Variants in LRRC23 observed in about 807,000 individuals in gnomAD.
LRRC23 encodes the protein leucine-rich repeat-containing protein 23.
In LRRC23, 28 loss-of-function variants were observed where a neutral mutation model predicts 37.7. That is an observed-to-expected ratio of 0.74 (90% CI 0.55 to 1.02). The LOEUF (loss-of-function observed/expected upper bound fraction) is 1.02. Among genes scored for constraint, LRRC23 ranks in the 50% least tolerant of loss-of-function variants. The pLI, the probability that LRRC23 is intolerant of heterozygous loss-of-function variation, is 0.00. For missense variants in LRRC23, 377 were observed against 413.2 expected (o/e 0.91, Z 0.76); for synonymous variants, 161 against 165.4 (o/e 0.97, Z 0.20).
At chr12:6,910,150 G>A (rs1237054516) in intron 6 of LRRC23, 124 bp downstream of exon 6, 6 of 945,008 alleles carry the variant, frequency 6.3e-6, no homozygotes, top group East Asian at 2.6e-5. Flanking sequence ...AGGAAAGCCC[G>A]GCTTTCCTTC....
chr12:6,911,199 G>T lies in LRRC23; in HGVS notation c.758+1173G>T, dbSNP rs140889123. On this transcript the variant is annotated intron_variant, in intron 6 of 7. Transcript: ENST00000443597. Reference sequence around the variant, plus strand: ...AAGGCACTGAAGATCAGCAACTCTTGTCGGATGGAGGACTTTATGTGTGTT... The same window carrying T: ...AAGGCACTGAAGATCAGCAACTCTTTTCGGATGGAGGACTTTATGTGTGTT... 8.8e-3 allele frequency among the ~76,000 whole-genome samples: 1,339 copies of T among 152,288 alleles called. 10 individuals are homozygous for T. Among genetic ancestry groups the T allele is most frequent in the Admixed American group, 0.017 (254 of 15,286 alleles).
chr12:6,910,005 C>T lies in LRRC23; in HGVS notation c.737C>T (p.Ser246Leu). ...TLSGFSREMK[S>L]LQYLNLRGNM... Reference sequence around the variant, plus strand: ...AGTGGCTTCTCCAGAGAAATGAAATCATTGCAGTACCTCAACCTGAGGTAT... The same window carrying T: ...AGTGGCTTCTCCAGAGAAATGAAATTATTGCAGTACCTCAACCTGAGGTAT... The change falls in exon 6 of 8, where the codon TCA becomes TTA. Residue 246 changes from serine (S) to leucine (L), a missense_variant. By Grantham distance (145) the Ser-to-Leu change is moderately radical (BLOSUM62 -2). Around this residue, in one of 3 missense-constraint regions of LRRC23, gnomAD observed 266 missense variants for 285.6 expected, o/e 0.93. Coordinates refer to ENST00000443597, the MANE Select transcript of LRRC23 (RefSeq NM_001135217.2). The T allele has an allele frequency of 6.2e-7, 1 of 1,612,880 alleles. No homozygotes were observed.
chr12:6,908,422 C>T, intron 5 of LRRC23, among the ~76,000 whole-genome samples: 1 of 151,758 alleles, frequency 6.6e-6, no homozygotes, highest in South Asian at 2.1e-4. Context: ...CATGGCGAAA[C>T]TCTGTCTCTA....
chr12:6,912,792 C>T lies in LRRC23; in HGVS notation c.821C>T (p.Ala274Val), dbSNP rs781857788. The change falls in exon 7 of 8, where the codon GCG becomes GTG. Residue 274 changes from alanine (A) to valine (V), a missense_variant. Transcript: ENST00000443597. ...AKLRDLPKLR[A>V]LVLLDNPCTD... Reference sequence around the variant, plus strand: ...CTTCGAGACCTGCCCAAGCTGCGAGCGTTGGTGCTGCTTGATAACCCATGC... The same window carrying T: ...CTTCGAGACCTGCCCAAGCTGCGAGTGTTGGTGCTGCTTGATAACCCATGC... The T allele has an allele frequency of 1.4e-5, 23 of 1,614,068 alleles. No individual in the cohort carries two copies. The Admixed American group carries it at 1.5e-4, about 11-fold the overall frequency.
chr12:6,910,308 G>A (rs1349224198), intron 6 of LRRC23, among the ~76,000 whole-genome samples: 1 of 152,168 alleles, frequency 6.6e-6, no homozygotes, highest in Non-Finnish European at 1.5e-5. Flanking sequence ...CAGAGGCTGG[G>A]CATGGTGGTT....
intron 6 of LRRC23, among the ~76,000 whole-genome samples, chr12:6,910,915 AAAAG>A (rs1945143346): frequency 6.6e-6 from 1 of 151,944 alleles, no homozygotes; most frequent in South Asian, 2.1e-4. Context: ...AGCTGTCTCT[AAAAG>A]AAAGAAAGGA....
chr12:6,907,287 T>G (rs1944971374), intron 4 of LRRC23, 28 bp from the exon 5 acceptor site: 2 of 1,612,208 alleles, frequency 1.2e-6, no homozygotes, highest in African/African-American at 1.3e-5. Flanking sequence ...GGAGTGGCCC[T>G]TTGAGCTCTT....
At chr12:6,910,049 A>T in intron 6 of LRRC23, 23 bp downstream of exon 6, 2 of 1,590,458 alleles carry the variant, frequency 1.3e-6, no homozygotes, top group Non-Finnish European at 1.7e-6. Flanking sequence ...TCCAAGCCCC[A>T]CCTTGCCCCT....
In LRRC23 at chr12:6,909,440, TA is replaced by T. The variant is rs1297003934; in HGVS notation, c.622-448del. ...ATATATAATATATAAATATTATATA[TA>T]ATAGTATATAATATATAATATATAA... On this transcript the variant is annotated intron_variant, in intron 5 of 7. Coordinates refer to ENST00000443597, the MANE Select transcript of LRRC23 (RefSeq NM_001135217.2). 3.0e-4 allele frequency among the ~76,000 whole-genome samples: 26 copies of T among 86,856 alleles called. 1 individual carries two copies. The highest frequency in any genetic ancestry group is 5.1e-3 in the Middle Eastern group (1 of 198). 57.0% of individuals were successfully genotyped at this position (86,856 alleles called of 152,430 possible). A position where few individuals can be genotyped will look rare whatever the true frequency, so the allele number is the denominator to read the frequency against.
chr12:6,913,088 G>A (rs1183954703), intron 7 of LRRC23, 61 bp downstream of exon 7: 1 of 1,521,796 alleles, frequency 6.6e-7, no homozygotes, highest in African/African-American at 1.4e-5. Flanking sequence ...TAGGGGAAGA[G>A]GCAAGAGGGG....
intron 6 of LRRC23, among the ~76,000 whole-genome samples, chr12:6,912,478 C>T (rs752220684): frequency 3.1e-4 from 47 of 152,106 alleles, no homozygotes; most frequent in Non-Finnish European, 5.4e-4. Flanking sequence ...CCTAGCTTTG[C>T]TGCACCAAAA....
rs1320820192 is a variant in LRRC23 at position 6,906,859 on chromosome 12, C to T, written c.490+197C>T. The T allele has an allele frequency of 4.9e-6, 3 of 612,186 alleles. No individual in the cohort carries two copies. The Admixed American group carries it at 9.3e-5, about 19-fold the overall frequency. 37.9% of individuals were successfully genotyped at this position (612,186 alleles called of 1,614,324 possible). A position where few individuals can be genotyped will look rare whatever the true frequency, so the allele number is the denominator to read the frequency against. On this transcript the variant is annotated intron_variant, in intron 4 of 7. Coordinates refer to ENST00000443597, the MANE Select transcript of LRRC23 (RefSeq NM_001135217.2). The stretch of plus-strand genomic sequence containing the variant: ...ATAAGACAAGGAACGTCCCTATTCT[C>T]ATATAGCTTATATTCTAATTGGGAG...
chr12:6,914,219 A>G lies in LRRC23; in HGVS notation c.*353A>G. The G allele has an allele frequency of 1.6e-6, 1 of 642,914 alleles. No individual in the cohort carries two copies. Among genetic ancestry groups the G allele is most frequent in the South Asian group, 2.3e-5 (1 of 43,132 alleles). 39.8% of individuals were successfully genotyped at this position (642,914 alleles called of 1,614,324 possible). A position where few individuals can be genotyped will look rare whatever the true frequency, so the allele number is the denominator to read the frequency against. ...GGGTGTTCGGATTTCCAATAAAGAAACAGAGTGATGCTCCTGTGTCTGACC... is the reference window on the plus strand; with the variant it reads ...GGGTGTTCGGATTTCCAATAAAGAAGCAGAGTGATGCTCCTGTGTCTGACC... On this transcript the variant is annotated 3_prime_UTR_variant, in exon 8 of 8. Transcript: ENST00000443597. The surrounding 1 kb of genome is among the most constrained non-coding windows in gnomAD (Gnocchi z 7.1).
chr12:6,912,726 G>T lies in LRRC23; in HGVS notation c.759-4G>T. On this transcript the variant is annotated splice_region_variant and splice_polypyrimidine_tract_variant and intron_variant, in intron 6 of 7. Transcript: ENST00000443597. ...GCATGAACCCCTCCTGACCACACTG[G>T]CAGGGGCAACATGGTGGCCAACCTG... 1 of 1,613,182 alleles carries T rather than the reference G, an allele frequency of 6.2e-7. No homozygotes were observed. The highest frequency in any genetic ancestry group is 8.5e-7 in the Non-Finnish European group (1 of 1,179,744).
chr12:6,912,824 G>A lies in LRRC23; in HGVS notation c.853G>A (p.Glu285Lys), dbSNP rs1386992787. 4 of 1,614,040 alleles carry A rather than the reference G, an allele frequency of 2.5e-6. No homozygotes were observed. Among genetic ancestry groups the A allele is most frequent in the African/African-American group, 1.3e-5 (1 of 74,910 alleles). ...LVLLDNPCTD[E>K]TSYRQEALVQ... is the part of the protein sequence containing the mutation. Reference sequence around the variant, plus strand: ...GCTGCTTGATAACCCATGCACGGACGAAACCAGCTACCGCCAGGAGGCCCT... The same window carrying A: ...GCTGCTTGATAACCCATGCACGGACAAAACCAGCTACCGCCAGGAGGCCCT... The change falls in exon 7 of 8, where the codon GAA (glutamate) becomes AAA (lysine). Residue 285 changes from glutamate (E) to lysine (K), a missense_variant. By Grantham distance (56) the Glu-to-Lys change is moderately conservative. This residue lies in a region of LRRC23 where 266 missense variants were observed against 285.6 expected (regional missense o/e 0.93). Coordinates refer to ENST00000443597, the MANE Select transcript of LRRC23 (RefSeq NM_001135217.2).
chr12:6,913,517 C>T (rs1355753118), intron 7 of LRRC23, among the ~76,000 whole-genome samples: 11 of 138,274 alleles, frequency 8.0e-5, no homozygotes, highest in African/African-American at 2.8e-4. Context: ...GGCCGCCAGG[C>T]ACTTTAGATA....
intron 5 of LRRC23, 21 bp downstream of exon 5, chr12:6,907,466 G>A: frequency 6.2e-7 from 1 of 1,613,994 alleles, no homozygotes; most frequent in South Asian, 1.1e-5. Context: ...GGGTCAGAGG[G>A]TGGTGCAGGG....
At position 6,907,350 on chromosome 12, in the gene LRRC23, G is replaced by A. The variant is rs368248843; in HGVS notation, c.526G>A (p.Glu176Lys). Residue 176 changes from glutamate to lysine, a missense_variant, in exon 5 of 8, where the codon GAG becomes AAG. Coordinates refer to ENST00000443597, the MANE Select transcript of LRRC23 (RefSeq NM_001135217.2). The part of the protein sequence containing the change: ...SIHMVTGLDP[E>K]KLISLHTVEL... ...CCACATGGTGACAGGTCTGGACCCC[G>A]AGAAGTTGATCAGCCTGCACACAGT... is the stretch of plus-strand genomic sequence containing the variant. 6.8e-6 allele frequency: 11 copies of A among 1,613,910 alleles called. No individual in the cohort carries two copies. The African/African-American group carries it at 1.1e-4, about 16-fold the overall frequency.
At chr12:6,912,365 T>C (rs1046001078) in intron 6 of LRRC23, among the ~76,000 whole-genome samples, 4 of 152,190 alleles carry the variant, frequency 2.6e-5, no homozygotes, top group Non-Finnish European at 4.4e-5. Context: ...TTGCCCAGGC[T>C]GGGTCCTACC....
Sources: allele counts gnomAD v4.1 joint callset (sites outside exome capture counted in the v4.1 genomes callset), GRCh38; gene constraint gnomAD v4.1.1; regional missense constraint gnomAD v4.1.1; non-coding constraint Gnocchi (gnomAD v3.1); transcripts MANE v1.5; gene names NCBI Gene and HGNC (gene_info 2026-07-23, HGNC 2026-07-21).